The following LAMTOR3 variants were observed in gnomAD, a reference collection of about 807,000 sequenced individuals.
The protein encoded by LAMTOR3 is ragulator complex protein LAMTOR3.
A neutral mutation model predicts 20.3 loss-of-function variants in LAMTOR3; 14 were observed. The ratio of observed to expected loss-of-function variants is 0.69; its 90% CI spans 0.46 to 1.08. LAMTOR3 has a LOEUF of 1.08. Ranked by LOEUF, LAMTOR3 falls within the 50% of genes least tolerant of loss-of-function variation. LAMTOR3 has a pLI of 0.00. For synonymous variants in LAMTOR3, 40 were observed against 49.4 expected, an observed-to-expected ratio of 0.81 and a Z score of 0.80; for missense variants, 125 against 143.7, an observed-to-expected ratio of 0.87 and a Z score of 0.67.
chr4:99,882,743 A>G (rs1223770766), intron 6 of LAMTOR3, among the ~76,000 whole-genome samples: 1 of 152,050 alleles, frequency 6.6e-6, no homozygotes, highest in Non-Finnish European at 1.5e-5. Flanking sequence ...TCAGAAATTT[A>G]TTTTTATAAA....
At position 99,878,396 on chromosome 4, in the gene LAMTOR3, T is replaced by G. The variant is rs937677619; in HGVS notation, c.*3598A>C. On this transcript the variant is annotated 3_prime_UTR_variant, in exon 7 of 7. Coordinates refer to ENST00000499666, the MANE Select transcript of LAMTOR3 (RefSeq NM_021970.4). The stretch of plus-strand genomic sequence containing the variant: ...TCCCCAAATATCCCATTTTATTGTT[T>G]GTTGAAATATTTTATTTCTAATTTT... The G allele has an allele frequency of 2.0e-5, 3 of 152,240 alleles. No homozygotes were observed. Among genetic ancestry groups the G allele is most frequent in the African/African-American group, 4.8e-5 (2 of 41,458 alleles). The allele number at this position is 152,240 out of a possible 1,614,324, so 9.4% of individuals were successfully genotyped here. A position where few individuals can be genotyped will look rare whatever the true frequency, so the allele number is the denominator to read the frequency against.
chr4:99,892,443 A>C (rs781401436), intron 2 of LAMTOR3, among the ~76,000 whole-genome samples: 66 of 152,178 alleles, frequency 4.3e-4, no homozygotes, highest in Admixed American at 2.0e-4. Context: ...TCCATGTTCA[A>C]AGATAGACTT....
rs1724794679 is a variant in LAMTOR3, at chr4:99,880,008, C to T, written c.*1986G>A. The T allele has an allele frequency of 1.3e-5, 2 of 152,028 alleles. No individual in the cohort carries two copies. The highest frequency in any genetic ancestry group is 1.3e-4 in the Admixed American group (2 of 15,272). The allele number at this position is 152,028 out of a possible 1,614,324, so 9.4% of individuals were successfully genotyped here. A position where few individuals can be genotyped will look rare whatever the true frequency, so the allele number is the denominator to read the frequency against. On this transcript the variant is annotated 3_prime_UTR_variant, in exon 7 of 7. Transcript: ENST00000499666. ...TGGTATAGCCTGCTGTTCTGACCAC[C>T]CTCGTATGTGGTCCTTCACTAACTG...
In LAMTOR3 at chr4:99,881,092, A is replaced by C. The variant is rs1724818078; in HGVS notation, c.*902T>G. ...ACTACCGTAAAACAATCTCCAAACC[A>C]ATACCTACAAGAAACACTCATTATT... On this transcript the variant is annotated 3_prime_UTR_variant, in exon 7 of 7. Coordinates refer to ENST00000499666, the MANE Select transcript of LAMTOR3 (RefSeq NM_021970.4). The C allele has an allele frequency of 6.6e-6, 1 of 152,226 alleles. No individual in the cohort carries two copies. The highest frequency in any genetic ancestry group is 6.5e-5 in the Admixed American group (1 of 15,282). 9.4% of individuals were successfully genotyped at this position (152,226 alleles called of 1,614,324 possible). A position where few individuals can be genotyped will look rare whatever the true frequency, so the allele number is the denominator to read the frequency against.
chr4:99,886,428 TATA>T (rs1268872531), intron 4 of LAMTOR3, among the ~76,000 whole-genome samples: 1 of 152,210 alleles, frequency 6.6e-6, no homozygotes, highest in East Asian at 1.9e-4. Flanking sequence ...CCTTTGTTCT[TATA>T]ATGTGTTTGC....
intron 4 of LAMTOR3, among the ~76,000 whole-genome samples, chr4:99,886,126 G>T (rs1191031160): frequency 6.6e-6 from 1 of 152,150 alleles, no homozygotes. Context: ...CTCATTAAAA[G>T]GTTTGCATGG....
intron 3 of LAMTOR3, among the ~76,000 whole-genome samples, chr4:99,890,064 A>G (rs970702309): frequency 6.6e-6 from 1 of 152,234 alleles, no homozygotes; most frequent in African/African-American, 2.4e-5. Flanking sequence ...ATAATTAAAA[A>G]TAACTGGCTC....
intron 3 of LAMTOR3, among the ~76,000 whole-genome samples, chr4:99,889,939 T>C (rs767312131): frequency 6.6e-6 from 1 of 152,098 alleles, no homozygotes; most frequent in African/African-American, 2.4e-5. Flanking sequence ...ATCAAGAAAG[T>C]AGAAAAATTA....
At chr4:99,882,642 G>A (rs1027121968) in intron 6 of LAMTOR3, among the ~76,000 whole-genome samples, 4 of 151,926 alleles carry the variant, frequency 2.6e-5, no homozygotes, top group African/African-American at 9.7e-5. Context: ...TAATACATAT[G>A]ATTTTTACTA....
rs1048788941 is a variant in LAMTOR3, at chr4:99,881,319, TATG to T, written c.*672_*674del. The T allele has an allele frequency of 1.3e-5, 2 of 152,254 alleles. No homozygotes were observed. Among genetic ancestry groups the T allele is most frequent in the African/African-American group, 4.8e-5 (2 of 41,470 alleles). 9.4% of individuals were successfully genotyped at this position (152,254 alleles called of 1,614,324 possible). A position where few individuals can be genotyped will look rare whatever the true frequency, so the allele number is the denominator to read the frequency against. On this transcript the variant is annotated 3_prime_UTR_variant, in exon 7 of 7. Transcript: ENST00000499666. ...AGAATAACGAATTGTATTTAAATTT[TATG>T]AAGAACACACAAACATTAAAACACT...
intron 2 of LAMTOR3, 81 bp from the exon 3 acceptor site, chr4:99,892,115 G>C: frequency 6.8e-7 from 1 of 1,469,274 alleles, no homozygotes; most frequent in Non-Finnish European, 9.0e-7. Context: ...CAAATTTTAA[G>C]GAACTTCAGT....
rs1724819010 is a variant in LAMTOR3, at chr4:99,881,136, A to G, written c.*858T>C. 6.6e-6 allele frequency: 1 copy of G among 152,238 alleles called. No individual in the cohort carries two copies. The highest frequency in any genetic ancestry group is 2.4e-5 in the African/African-American group (1 of 41,472). 9.4% of individuals were successfully genotyped at this position (152,238 alleles called of 1,614,324 possible). On this transcript the variant is annotated 3_prime_UTR_variant, in exon 7 of 7. Transcript: ENST00000499666. ...CATTATTTATTCATGTGGCTGAAAGAGTATATTAATTATGTTTAGATTTTT... is the reference window on the plus strand; with the variant it reads ...CATTATTTATTCATGTGGCTGAAAGGGTATATTAATTATGTTTAGATTTTT...
chr4:99,893,923 T>C, intron 2 of LAMTOR3, 32 bp downstream of exon 2: 3 of 1,459,226 alleles, frequency 2.1e-6, no homozygotes, highest in Admixed American at 2.1e-5. Context: ...TTCCCCACTC[T>C]CCCCTTCCTC....
rs1724813733 is a variant in LAMTOR3 at position 99,880,917 on chromosome 4, C to T, written c.*1077G>A. On this transcript the variant is annotated 3_prime_UTR_variant, in exon 7 of 7. Coordinates refer to ENST00000499666, the MANE Select transcript of LAMTOR3 (RefSeq NM_021970.4). The stretch of plus-strand genomic sequence containing the variant: ...TATTCTAGAACTGTAGTACCTCTTT[C>T]ATGGAGATTAAATTAGGTTCATGCC... The T allele has an allele frequency of 1.3e-5, 2 of 152,228 alleles. No individual in the cohort carries two copies. The highest frequency in any genetic ancestry group is 4.1e-4 in the South Asian group (2 of 4,832). The allele number at this position is 152,228 out of a possible 1,614,324, so 9.4% of individuals were successfully genotyped here. A position where few individuals can be genotyped will look rare whatever the true frequency, so the allele number is the denominator to read the frequency against.
chr4:99,887,445 T>C (rs1724949563), intron 3 of LAMTOR3, 91 bp from the exon 4 acceptor site: 2 of 526,974 alleles, frequency 3.8e-6, no homozygotes, highest in Non-Finnish European at 6.0e-6. Context: ...TCTCAAACTA[T>C]GCACCTCAAA....
At position 99,891,745 on chromosome 4, in the gene LAMTOR3, G is replaced by A. The variant is rs552465791; in HGVS notation, c.44+255C>T. ...AAATAGAAAGTAAAGAATTATAGAAGAAACAGATGACCAAGGGAATGCTGA... is the reference window on the plus strand; with the variant it reads ...AAATAGAAAGTAAAGAATTATAGAAAAAACAGATGACCAAGGGAATGCTGA... On this transcript the variant is annotated intron_variant, in intron 3 of 6. Transcript: ENST00000499666. 1.5e-4 allele frequency among the ~76,000 whole-genome samples: 23 copies of A among 152,242 alleles called. 1 individual carries two copies. The South Asian group carries it at 4.8e-3, about 32-fold the overall frequency.
At position 99,879,065 on chromosome 4, in the gene LAMTOR3, TAA is replaced by T. The variant is rs1178736880; in HGVS notation, c.*2927_*2928del. 1 of 152,208 alleles carries T rather than the reference TAA, an allele frequency of 6.6e-6. No homozygotes were observed. The highest frequency in any genetic ancestry group is 2.4e-5 in the African/African-American group (1 of 41,460). The allele number at this position is 152,208 out of a possible 1,614,324, so 9.4% of individuals were successfully genotyped here. On this transcript the variant is annotated 3_prime_UTR_variant, in exon 7 of 7. Transcript: ENST00000499666. ...TTCACAGACTGCCAATTGCTGTACA[TAA>T]AGAGTATAACAAGTCACACTTCCCT...
intron 1 of LAMTOR3, 111 bp downstream of exon 1, chr4:99,894,224 A>C: frequency 1.1e-5 from 4 of 377,784 alleles, no homozygotes; most frequent in Non-Finnish European, 1.9e-5. Flanking sequence ...CTCCACCCCA[A>C]AGAGCTAGGC....
intron 1 of LAMTOR3, 53 bp downstream of exon 1, chr4:99,894,282 C>T (rs1278846664): frequency 3.2e-6 from 1 of 311,908 alleles, no homozygotes; most frequent in Non-Finnish European, 5.8e-6. Flanking sequence ...ATCTCACCAC[C>T]CGCGCCACCT....
Sources: allele counts gnomAD v4.1 joint callset (sites outside exome capture counted in the v4.1 genomes callset), GRCh38; gene constraint gnomAD v4.1.1; transcripts MANE v1.5; gene names NCBI Gene and HGNC (gene_info 2026-07-23, HGNC 2026-07-21).